SPIB: variants seen among roughly 807,000 people sequenced by gnomAD.
The protein encoded by SPIB is Spi-B transcription factor.
A neutral mutation model predicts 31.9 loss-of-function variants in SPIB; 7 were observed. The observed-to-expected ratio is 0.22, with a 90% confidence interval of 0.12 to 0.41. The LOEUF (loss-of-function observed/expected upper bound fraction) is 0.41. Among genes scored for constraint, SPIB ranks in the 10% least tolerant of loss-of-function variants. The probability of loss-of-function intolerance (pLI) is 1.00; values close to 1 mark genes in which losing one functional copy is unlikely to be tolerated. For synonymous variants in SPIB, 176 were observed against 158.9 expected (o/e 1.11, Z -0.81); for missense variants, 327 against 360.2 (o/e 0.91, Z 0.75).
chr19:50,424,676 G>A (rs552116082), intron 5 of SPIB, among the ~76,000 whole-genome samples: 31 of 152,166 alleles, frequency 2.0e-4, no homozygotes, highest in Non-Finnish European at 2.9e-5. Flanking sequence ...AGCTACTCGG[G>A]AGGCTGAGGC....
chr19:50,428,542 C>A lies in SPIB; in HGVS notation c.*206C>A. On this transcript the variant is annotated 3_prime_UTR_variant, in exon 6 of 6. Transcript: ENST00000595883. The surrounding 1 kb of genome is among the most constrained non-coding windows in gnomAD (Gnocchi z 6.5). Reference sequence around the variant, plus strand: ...ATTCCCCACTTGTGCCTGGGGTCCTCTGGGATTTCTTTGTCATGTACAGAC... The same window carrying A: ...ATTCCCCACTTGTGCCTGGGGTCCTATGGGATTTCTTTGTCATGTACAGAC... 3.6e-6 allele frequency: 2 copies of A among 557,812 alleles called. No individual in the cohort carries two copies. The highest frequency in any genetic ancestry group is 3.1e-6 in the Non-Finnish European group (1 of 325,490). 34.6% of individuals were successfully genotyped at this position (557,812 alleles called of 1,614,324 possible).
intron 2 of SPIB, among the ~76,000 whole-genome samples, chr19:50,420,667 A>G (rs2695119): frequency 0.88 from 134,279 of 152,230 alleles, 59,885 homozygotes; most frequent in African/African-American, 0.92. Flanking sequence ...TCGCTCTGTC[A>G]CCCAGGCTGG....
chr19:50,427,825 G>A (rs1422332830), intron 5 of SPIB, among the ~76,000 whole-genome samples: 1 of 151,602 alleles, frequency 6.6e-6, no homozygotes, highest in Non-Finnish European at 1.5e-5. Flanking sequence ...GAGGGGGCCT[G>A]GGGCTGACAG....
chr19:50,423,457 C>G (rs1230153543), intron 4 of SPIB, 148 bp from the exon 5 acceptor site: 20 of 1,050,142 alleles, frequency 1.9e-5, no homozygotes, highest in Non-Finnish European at 2.7e-5. Flanking sequence ...CCCCTGGCCA[C>G]AGCGTGGTGA....
rs761926602 is a variant in SPIB, at chr19:50,427,520, G to A, written c.491-518G>A. Among the ~76,000 whole-genome samples the A allele has an allele frequency of 4.6e-5, 7 of 152,260 alleles. No homozygotes were observed. In the South Asian group the frequency reaches 6.2e-4, roughly 14 times the overall value. ...AGCCTGGGCCGCAGAGCAAGACCCC[G>A]TCTCAAAAACAAACTAAACCCTAGG... On this transcript the variant is annotated intron_variant, in intron 5 of 5. Coordinates refer to ENST00000595883, the MANE Select transcript of SPIB (RefSeq NM_003121.5).
At position 50,423,696 on chromosome 19, in the gene SPIB, C is replaced by G; in HGVS notation, c.431C>G (p.Ser144Trp). Residue 144 changes from serine to tryptophan, a missense_variant, in exon 5 of 6, where the codon TCG becomes TGG. By Grantham distance (177) the Ser-to-Trp change is radical. Around this residue, in one of 4 missense-constraint regions of SPIB, gnomAD observed 238 missense variants for 228.8 expected, o/e 1.04. Coordinates refer to ENST00000595883, the MANE Select transcript of SPIB (RefSeq NM_003121.5). Reference protein sequence around the residue: ...LPLDSPALEVSDSESDEALVA... With the variant: ...LPLDSPALEVWDSESDEALVA... ...TTGGACAGCCCTGCCCTGGAGGTCT[C>G]GGACAGCGAGTCGGATGAGGCCCTC... is the stretch of plus-strand genomic sequence containing the variant. The G allele has an allele frequency of 6.2e-7, 1 of 1,613,642 alleles. No individual in the cohort carries two copies.
At chr19:50,419,079 A>G in intron 1 of SPIB, 94 bp downstream of exon 1, 4 of 1,441,464 alleles carry the variant, frequency 2.8e-6, no homozygotes, top group Middle Eastern at 2.1e-4. Context: ...TCTGCTCCTC[A>G]CGGCCGGTGG....
chr19:50,423,464 G>A (rs1436249129), intron 4 of SPIB, 141 bp from the exon 5 acceptor site: 2 of 1,131,290 alleles, frequency 1.8e-6, no homozygotes, highest in East Asian at 5.0e-5. Flanking sequence ...CCACAGCGTG[G>A]TGATCTGAAC....
intron 5 of SPIB, 56 bp from the exon 6 acceptor site, chr19:50,427,982 G>A (rs1422055509): frequency 4.9e-6 from 7 of 1,442,898 alleles, no homozygotes; most frequent in Non-Finnish European, 6.4e-6. Context: ...GGGTGGATGG[G>A]GAAGGCGGGG....
chr19:50,425,758 A>G (rs1318408786), intron 5 of SPIB, among the ~76,000 whole-genome samples: 1 of 152,194 alleles, frequency 6.6e-6, no homozygotes, highest in Non-Finnish European at 1.5e-5. Context: ...AAATTATTTT[A>G]TGGCTTATAG....
At chr19:50,423,395 G>A (rs1451018700) in intron 4 of SPIB, among the ~76,000 whole-genome samples, 5 of 152,118 alleles carry the variant, frequency 3.3e-5, no homozygotes, top group Admixed American at 6.6e-5. Flanking sequence ...CAGGGACAGG[G>A]CAGACTCGCA....
chr19:50,422,695 G>A (rs776775223), intron 3 of SPIB, 128 bp from the exon 4 acceptor site: 9 of 1,053,976 alleles, frequency 8.5e-6, no homozygotes, highest in South Asian at 5.8e-5. Context: ...CTACCCATCC[G>A]CTCCTCCATG....
intron 2 of SPIB, among the ~76,000 whole-genome samples, chr19:50,420,422 T>C (rs1198324855): frequency 6.6e-6 from 1 of 152,136 alleles, no homozygotes; most frequent in East Asian, 1.9e-4. Flanking sequence ...TGTTTTTGTT[T>C]GTTTGTTTTT....
chr19:50,423,204 C>A (rs1252721868), intron 4 of SPIB, 167 bp downstream of exon 4: 411 of 284,858 alleles, frequency 1.4e-3, no homozygotes, highest in Middle Eastern at 1.8e-3. Context: ...GACCCTGTCT[C>A]AAAAAAAAAA....
Position 50,422,841 on chromosome 19 carries a change from C to A in SPIB, c.143C>A (p.Thr48Asn). The part of the protein sequence containing the change: ...EGAPDSLWDW[T>N]VAPPVPATPY... ...CCCCCAGACTCCCTGTGGGACTGGACTGTGGCCCCACCTGTCCCAGCCACC... is the reference window on the plus strand; with the variant it reads ...CCCCCAGACTCCCTGTGGGACTGGAATGTGGCCCCACCTGTCCCAGCCACC... Residue 48 changes from threonine to asparagine, a missense_variant, in exon 4 of 6, where the codon ACT becomes AAT. Thr to Asn is a moderately conservative substitution (Grantham distance 65). Around this residue, in one of 4 missense-constraint regions of SPIB, gnomAD observed 238 missense variants for 228.8 expected, o/e 1.04. Coordinates refer to ENST00000595883, the MANE Select transcript of SPIB (RefSeq NM_003121.5). The A allele has an allele frequency of 6.3e-7, 1 of 1,588,074 alleles. No homozygotes were observed. The highest frequency in any genetic ancestry group is 8.6e-7 in the Non-Finnish European group (1 of 1,167,534).
At position 50,419,983 on chromosome 19, in the gene SPIB, G is replaced by A. The variant is rs1601259535; in HGVS notation, c.51+10G>A. ...ACACTTCAGCTGTCTGGTGAGTTGG[G>A]GCCCCTGGGGGCCAGGGAGGGGTGG... On this transcript the variant is annotated intron_variant, in intron 2 of 5. Transcript: ENST00000595883. The A allele has an allele frequency of 1.4e-6, 2 of 1,467,636 alleles. No homozygotes were observed. The highest frequency in any genetic ancestry group is 1.8e-6 in the Non-Finnish European group (2 of 1,113,828). 90.9% of individuals were successfully genotyped at this position (1,467,636 alleles called of 1,614,324 possible).
intron 5 of SPIB, among the ~76,000 whole-genome samples, 165 bp from the exon 6 acceptor site, chr19:50,427,873 C>CCA (rs1491407173): frequency 3.8e-4 from 46 of 122,654 alleles, no homozygotes; most frequent in East Asian, 1.2e-3. Context: ...CCCCCCCCCC[C>CCA]GTGGTGAGGG....
At chr19:50,423,251 C>T in intron 4 of SPIB, 1 of 455,642 alleles carries the variant, frequency 2.2e-6, no homozygotes, top group Non-Finnish European at 3.9e-6. Context: ...CAAGCTCAGT[C>T]ATTTGGTTGA....
In SPIB at chr19:50,423,607, C is replaced by A; in HGVS notation, c.342C>A (p.Thr114=). The A allele has an allele frequency of 6.2e-7, 1 of 1,613,482 alleles. No homozygotes were observed. The highest frequency in any genetic ancestry group is 8.5e-7 in the Non-Finnish European group (1 of 1,179,666). ...AYPTENFASQ[T]LVPPAYAPYP... The stretch of plus-strand genomic sequence containing the variant: ...CAGGTGACCCTGACCTTCCGCAGAC[C>A]CTGGTTCCCCCGGCATATGCCCCGT... The change falls in exon 5 of 6, where the codon ACC becomes ACA. Residue 114 remains threonine, a splice_region_variant and synonymous_variant. Coordinates refer to ENST00000595883, the MANE Select transcript of SPIB (RefSeq NM_003121.5).
Sources: gnomAD v4.1 joint callset for allele counts (sites outside exome capture counted in the v4.1 genomes callset) on GRCh38, gnomAD v4.1.1 for gene constraint, gnomAD v4.1.1 regional missense constraint, Gnocchi (gnomAD v3.1) non-coding constraint, MANE v1.5 for transcripts, NCBI Gene and HGNC (gene_info 2026-07-23, HGNC 2026-07-21) for gene names.